CIT: variants seen among roughly 807,000 people sequenced by gnomAD.
CIT encodes citron Rho-interacting kinase.
In CIT, 79 loss-of-function variants were observed where a neutral mutation model predicts 272.7. The ratio of observed to expected loss-of-function variants is 0.29; its 90% CI spans 0.24 to 0.35. CIT has a LOEUF of 0.35. Ranked by LOEUF, CIT falls within the 10% of genes least tolerant of loss-of-function variation. The pLI is 1.00. For missense variants in CIT, 1,909 were observed against 2,618.3 expected, an observed-to-expected ratio of 0.73 and a Z score of 5.91; for synonymous variants, 948 against 995.6, an observed-to-expected ratio of 0.95 and a Z score of 0.90.
chr12:119,736,717 G>C (rs1185882872), intron 24 of CIT, among the ~76,000 whole-genome samples: 6 of 152,206 alleles, frequency 3.9e-5, no homozygotes, highest in African/African-American at 9.7e-5. Context: ...GACTTGCAGG[G>C]TCCCTGCCTT....
chr12:119,858,517 C>CAAA (rs796452295), intron 3 of CIT, among the ~76,000 whole-genome samples: 1 of 122,446 alleles, frequency 8.2e-6, no homozygotes. Context: ...ACTCTGTCTC[C>CAAA]AAAAAAAAAA....
chr12:119,698,639 G>A (rs1168483819), intron 44 of CIT, among the ~76,000 whole-genome samples: 2 of 151,824 alleles, frequency 1.3e-5, no homozygotes, highest in Non-Finnish European at 2.9e-5. Flanking sequence ...CTGTGCAGCT[G>A]TAAACATGCA....
chr12:119,721,541 G>T, intron 28 of CIT, 92 bp from the exon 29 acceptor site: 1 of 1,183,466 alleles, frequency 8.4e-7, no homozygotes, highest in Non-Finnish European at 1.2e-6. Context: ...TTTCAGGCAT[G>T]GCACCAGAAG....
intron 39 of CIT, among the ~76,000 whole-genome samples, chr12:119,709,724 G>C (rs1456439112): frequency 6.6e-6 from 1 of 150,702 alleles, no homozygotes; most frequent in Non-Finnish European, 1.5e-5. Context: ...TGAAGAACTT[G>C]GCGTCATACC....
chr12:119,741,594 A>T (rs1034573888), intron 24 of CIT, among the ~76,000 whole-genome samples: 1 of 152,226 alleles, frequency 6.6e-6, no homozygotes, highest in Admixed American at 6.5e-5. Flanking sequence ...ACAAGAAAAT[A>T]AAATATGTAT....
At chr12:119,726,385 ATTTTTTTTT>A (rs3999547) in intron 28 of CIT, among the ~76,000 whole-genome samples, 17 of 101,446 alleles carry the variant, frequency 1.7e-4, no homozygotes, top group Admixed American at 6.6e-4. Context: ...CACTTGGCTA[ATTTTTTTTT>A]TTTTTTTTTT....
intron 10 of CIT, among the ~76,000 whole-genome samples, chr12:119,799,441 T>C (rs1475334685): frequency 6.6e-6 from 1 of 152,186 alleles, no homozygotes; most frequent in East Asian, 1.9e-4. Flanking sequence ...CACCAAAAAC[T>C]GGTTCCCAGA....
At chr12:119,786,471 T>C (rs557497726) in intron 10 of CIT, among the ~76,000 whole-genome samples, 6 of 152,288 alleles carry the variant, frequency 3.9e-5, no homozygotes, top group African/African-American at 1.4e-4. Context: ...ATATGAACAC[T>C]GGGATTGGTG....
At chr12:119,827,079 C>T (rs1438153573) in intron 7 of CIT, among the ~76,000 whole-genome samples, 1 of 152,126 alleles carries the variant, frequency 6.6e-6, no homozygotes, top group Non-Finnish European at 1.5e-5. Flanking sequence ...AAGCCCTAAA[C>T]CCAGAAAGCA....
At chr12:119,864,180 A>G (rs965674753) in intron 3 of CIT, among the ~76,000 whole-genome samples, 40 of 152,342 alleles carry the variant, frequency 2.6e-4, no homozygotes, top group African/African-American at 9.4e-4. Flanking sequence ...TAAAGTTGTA[A>G]ATATATTGAA....
intron 7 of CIT, among the ~76,000 whole-genome samples, 172 bp from the exon 8 acceptor site, chr12:119,825,540 TAAAAAA>T (rs11286691): frequency 6.9e-6 from 1 of 144,368 alleles, no homozygotes; most frequent in African/African-American, 2.6e-5. Flanking sequence ...TTTACTAATT[TAAAAAA>T]AAAAAAAAAG....
Position 119,734,193 on chromosome 12 carries a change from C to G in CIT, c.3321G>C (p.Gln1107His). 1 of 1,613,598 alleles carries G rather than the reference C, an allele frequency of 6.2e-7. No individual in the cohort carries two copies. Among genetic ancestry groups the G allele is most frequent in the East Asian group, 2.2e-5 (1 of 44,842 alleles). Residue 1107 changes from glutamine (Q) to histidine (H), a missense_variant, in exon 26 of 48, where the codon CAG (glutamine) becomes CAC (histidine). Physicochemically the swap from Gln to His is conservative, Grantham distance 24. Transcript: ENST00000392521. ...SQFECRVREL[Q>H]RMLDTEKQSR... ...TCTGTTTCTCGGTGTCCAGCATTCT[C>G]TGCAGCTCTCGAACCCGACACTCAA...
At chr12:119,783,677 C>G in intron 12 of CIT, 1 of 427,144 alleles carries the variant, frequency 2.3e-6, no homozygotes, top group Non-Finnish European at 4.1e-6. Context: ...CTCCATGGTA[C>G]CAGCCGTCTA....
intron 8 of CIT, among the ~76,000 whole-genome samples, chr12:119,824,804 TTTTG>T (rs927184668): frequency 6.6e-6 from 1 of 152,184 alleles, no homozygotes; most frequent in African/African-American, 2.4e-5. Flanking sequence ...TTTTGTTTTG[TTTTG>T]TTTTTTAGAC....
At chr12:119,733,520 ACT>A (rs1958585589) in intron 26 of CIT, among the ~76,000 whole-genome samples, 1 of 138,130 alleles carries the variant, frequency 7.2e-6, no homozygotes, top group South Asian at 2.2e-4. Context: ...GGTGACAGAG[ACT>A]CTGTCACAAA....
intron 10 of CIT, among the ~76,000 whole-genome samples, chr12:119,798,400 G>A (rs911869851): frequency 6.6e-6 from 1 of 152,194 alleles, no homozygotes; most frequent in Admixed American, 6.5e-5. Context: ...TAGGCAAGTT[G>A]TTTGATCTCC....
intron 24 of CIT, among the ~76,000 whole-genome samples, chr12:119,738,092 AGATGC>A (rs1297250978): frequency 6.6e-6 from 1 of 152,198 alleles, no homozygotes; most frequent in Non-Finnish European, 1.5e-5. Flanking sequence ...GGGGAAACAG[AGATGC>A]TAGGTAACTT....
chr12:119,710,534 C>T lies in CIT; in HGVS notation c.4935+6G>A, dbSNP rs1408854516. The T allele has an allele frequency of 2.5e-6, 4 of 1,614,186 alleles. No homozygotes were observed. Among genetic ancestry groups the T allele is most frequent in the Admixed American group, 1.7e-5 (1 of 60,038 alleles). On this transcript the variant is annotated splice_donor_region_variant and intron_variant, in intron 38 of 47. Transcript: ENST00000392521. This position sits in a 1 kb window ranked among gnomAD's most constrained non-coding sequence, Gnocchi z 5.6. Reference sequence around the variant, plus strand: ...CACCAGCTGGCCGTGCCCATGCAAGCATTACCTGGTCACTGAAGGGCAGCG... The same window carrying T: ...CACCAGCTGGCCGTGCCCATGCAAGTATTACCTGGTCACTGAAGGGCAGCG...
intron 24 of CIT, among the ~76,000 whole-genome samples, chr12:119,736,055 T>C (rs1958735745): frequency 6.6e-6 from 1 of 152,206 alleles, no homozygotes; most frequent in Non-Finnish European, 1.5e-5. Flanking sequence ...GTTTGCTAAA[T>C]TACTCTCCTG....
Sources: allele counts gnomAD v4.1 joint callset (sites outside exome capture counted in the v4.1 genomes callset), GRCh38; gene constraint gnomAD v4.1.1; non-coding constraint Gnocchi (gnomAD v3.1); transcripts MANE v1.5; gene names NCBI Gene and HGNC (gene_info 2026-07-23, HGNC 2026-07-21).